WSCD1: variants seen among roughly 807,000 people sequenced by gnomAD.
WSCD1 encodes the protein sialate:O-sulfotransferase 1.
WSCD1 carries 41 observed loss-of-function variants against 60.4 expected under a neutral mutation model. The observed-to-expected ratio is 0.68, with a 90% confidence interval of 0.53 to 0.88. WSCD1 has a LOEUF of 0.88. Among genes scored for constraint, WSCD1 ranks in the 40% least tolerant of loss-of-function variants. The probability of loss-of-function intolerance (pLI) is 0.00; values close to 1 mark genes in which losing one functional copy is unlikely to be tolerated. For synonymous variants in WSCD1, 361 were observed against 332.5 expected (o/e 1.09, Z -0.93); for missense variants, 784 against 796.2 (o/e 0.98, Z 0.18).
rs993830203 is a variant in WSCD1, at chr17:6,117,891, T to C, written c.1175-97T>C. On this transcript the variant is annotated intron_variant, in intron 7 of 8. Transcript: ENST00000317744. ...TGTGTCTTCCATGGGCCCTCTCTTATGCCCCTGATGCCAGCTTTACCCAAT... is the reference window on the plus strand; with the variant it reads ...TGTGTCTTCCATGGGCCCTCTCTTACGCCCCTGATGCCAGCTTTACCCAAT... The C allele has an allele frequency of 2.3e-6, 3 of 1,279,682 alleles. No individual in the cohort carries two copies. In the Admixed American group the frequency reaches 5.5e-5, roughly 24 times the overall value. The allele number at this position is 1,279,682 out of a possible 1,614,324, so 79.3% of individuals were successfully genotyped here.
At chr17:6,092,010 C>T (rs1044121049) in intron 4 of WSCD1, among the ~76,000 whole-genome samples, 5 of 151,962 alleles carry the variant, frequency 3.3e-5, no homozygotes, top group Admixed American at 6.6e-5. Context: ...CAAAATTTGC[C>T]GGATGTGGTG....
intron 5 of WSCD1, among the ~76,000 whole-genome samples, chr17:6,107,981 T>C (rs62053893): frequency 0.026 from 3,974 of 152,240 alleles, 69 homozygotes; most frequent in Non-Finnish European, 0.043. Context: ...AGGTGCCTCC[T>C]TGGCTTGAAG....
chr17:6,099,359 A>G (rs1274345777), intron 5 of WSCD1, among the ~76,000 whole-genome samples: 1 of 152,058 alleles, frequency 6.6e-6, no homozygotes, highest in Non-Finnish European at 1.5e-5. Flanking sequence ...TACTAAAAAT[A>G]CAAAAATTAG....
intron 2 of WSCD1, among the ~76,000 whole-genome samples, chr17:6,083,131 G>A (rs897465340): frequency 6.6e-5 from 10 of 152,200 alleles, no homozygotes; most frequent in African/African-American, 2.4e-4. Flanking sequence ...CTCTGTGCAG[G>A]TTTTATCAGT....
chr17:6,093,129 G>C (rs1402637946), intron 4 of WSCD1, among the ~76,000 whole-genome samples: 2 of 152,244 alleles, frequency 1.3e-5, no homozygotes, highest in Non-Finnish European at 2.9e-5. Context: ...ATTCTGCCAA[G>C]TGACCCTCAG....
intron 7 of WSCD1, among the ~76,000 whole-genome samples, chr17:6,113,687 A>G (rs116764114): frequency 0.021 from 3,228 of 152,290 alleles, 104 homozygotes; most frequent in African/African-American, 0.072. Context: ...GATGATATGA[A>G]TAGACATTTA....
In WSCD1 at chr17:6,076,097, G is replaced by A. The variant is rs1908845842; in HGVS notation, c.-288-4274G>A. Among the ~76,000 whole-genome samples the A allele has an allele frequency of 2.0e-5, 3 of 152,202 alleles. No homozygotes were observed. In the South Asian group the frequency reaches 6.2e-4, roughly 32 times the overall value. On this transcript the variant is annotated intron_variant, in intron 1 of 8. Coordinates refer to ENST00000317744, the MANE Select transcript of WSCD1 (RefSeq NM_015253.2). ...TGAAACCGGAGCTGGGATGGGGAGA[G>A]AAATAGGAAGCTTCGTGGGCATAAT...
Position 6,123,706 on chromosome 17 carries a change from CA to C in WSCD1, c.*3048del, listed in dbSNP as rs1306806265. 6.6e-6 allele frequency: 1 copy of C among 152,114 alleles called. No homozygotes were observed. The highest frequency in any genetic ancestry group is 2.4e-5 in the African/African-American group (1 of 41,424). The allele number at this position is 152,114 out of a possible 1,614,324, so 9.4% of individuals were successfully genotyped here. Reference sequence around the variant, plus strand: ...GGAGGTATCTGAAATGTGATGACTCCAAAGGGGTTCATTTCACTATAGGGAG... The same window carrying C: ...GGAGGTATCTGAAATGTGATGACTCCAAGGGGTTCATTTCACTATAGGGAG... On this transcript the variant is annotated 3_prime_UTR_variant, in exon 9 of 9. Coordinates refer to ENST00000317744, the MANE Select transcript of WSCD1 (RefSeq NM_015253.2).
rs1386603033 is a variant in WSCD1 at position 6,075,482 on chromosome 17, C to A, written c.-289+4830C>A. On this transcript the variant is annotated intron_variant, in intron 1 of 8. Transcript: ENST00000317744. This position sits in a 1 kb window ranked among gnomAD's most constrained non-coding sequence, Gnocchi z 4.1. ...CACCTGACCAGCCCAAGCCACCCAT[C>A]ATTCAGGCTGGGCAGTTGCTGCTCC... is the stretch of plus-strand genomic sequence containing the variant. Among the ~76,000 whole-genome samples the A allele has an allele frequency of 6.6e-6, 1 of 152,174 alleles. No individual in the cohort carries two copies. Among genetic ancestry groups the A allele is most frequent in the Non-Finnish European group, 1.5e-5 (1 of 68,032 alleles).
At chr17:6,099,852 G>C (rs2150555979) in intron 5 of WSCD1, among the ~76,000 whole-genome samples, 1 of 152,220 alleles carries the variant, frequency 6.6e-6, no homozygotes, top group Admixed American at 6.5e-5. Context: ...TCTCTGTACG[G>C]GGAGCTGTTT....
intron 5 of WSCD1, among the ~76,000 whole-genome samples, chr17:6,096,363 C>T (rs1488378716): frequency 6.6e-6 from 1 of 152,118 alleles, no homozygotes; most frequent in African/African-American, 2.4e-5. Flanking sequence ...GCACAGCCAT[C>T]CTCTGCTGCA....
At chr17:6,085,406 T>G (rs895570546) in intron 2 of WSCD1, among the ~76,000 whole-genome samples, 1 of 151,720 alleles carries the variant, frequency 6.6e-6, no homozygotes, top group Non-Finnish European at 1.5e-5. Context: ...AAGCCTTGTA[T>G]TAGACATTTT....
intron 1 of WSCD1, among the ~76,000 whole-genome samples, chr17:6,077,173 C>T (rs954708474): frequency 6.6e-6 from 1 of 151,026 alleles, no homozygotes; most frequent in African/African-American, 2.4e-5. Flanking sequence ...ACTGCAACCT[C>T]CGCCTCCCAG....
upstream of WSCD1, among the ~76,000 whole-genome samples, chr17:6,069,810 T>G (rs1269917457): frequency 7.0e-6 from 1 of 142,978 alleles, no homozygotes; most frequent in Admixed American, 7.0e-5. Context: ...TGCGTGCGTG[T>G]GTGGTGTGTG....
At chr17:6,072,489 C>T (rs987540544) in intron 1 of WSCD1, among the ~76,000 whole-genome samples, 1 of 152,220 alleles carries the variant, frequency 6.6e-6, no homozygotes, top group Non-Finnish European at 1.5e-5. Context: ...CAAGCTTGTA[C>T]TCCCATCCAG....
intron 5 of WSCD1, among the ~76,000 whole-genome samples, chr17:6,100,621 C>T (rs565184333): frequency 5.3e-5 from 8 of 152,364 alleles, no homozygotes; most frequent in Non-Finnish European, 1.0e-4. Flanking sequence ...GGTTCACAGC[C>T]TTGGATCTGT....
intron 1 of WSCD1, among the ~76,000 whole-genome samples, chr17:6,076,418 C>T (rs983856911): frequency 6.6e-6 from 1 of 152,142 alleles, no homozygotes; most frequent in Non-Finnish European, 1.5e-5. Flanking sequence ...GGGTGCACTC[C>T]AGGGACTGTG....
At chr17:6,076,860 T>A (rs1597348994) in intron 1 of WSCD1, among the ~76,000 whole-genome samples, 1 of 151,926 alleles carries the variant, frequency 6.6e-6, no homozygotes, top group Middle Eastern at 3.4e-3. Context: ...GCTCCAAGTT[T>A]CCCAGCCCAC....
intron 1 of WSCD1, among the ~76,000 whole-genome samples, chr17:6,073,895 G>A (rs908438791): frequency 3.9e-5 from 6 of 152,210 alleles, no homozygotes; most frequent in African/African-American, 9.6e-5. Flanking sequence ...AGCAATAGCC[G>A]TTTGTATTTG....
Sources: allele counts gnomAD v4.1 joint callset (sites outside exome capture counted in the v4.1 genomes callset), GRCh38; gene constraint gnomAD v4.1.1; non-coding constraint Gnocchi (gnomAD v3.1); transcripts MANE v1.5; gene names NCBI Gene and HGNC (gene_info 2026-07-23, HGNC 2026-07-21).